RBFOX1: variants seen among roughly 807,000 people sequenced by gnomAD.
The protein encoded by RBFOX1 is RNA binding fox-1 homolog 1, also known as RNA binding protein fox-1 homolog 1.
Under a neutral mutation model 57.7 loss-of-function variants are expected in RBFOX1, and 8 were observed. The ratio of observed to expected loss-of-function variants is 0.14; its 90% CI spans 0.08 to 0.25. The LOEUF (loss-of-function observed/expected upper bound fraction) is 0.25. RBFOX1 is among the 10% of genes least tolerant of loss of function. The pLI, the probability that RBFOX1 is intolerant of heterozygous loss-of-function variation, is 1.00. For synonymous variants in RBFOX1, 326 were observed against 222.4 expected, an observed-to-expected ratio of 1.47 and a Z score of -4.15; for missense variants, 611 against 548.5, an observed-to-expected ratio of 1.11 and a Z score of -1.14.
In RBFOX1 at chr16:5,591,002, G is replaced by C. The variant is rs557828503; in HGVS notation, c.259-7900G>C. Among the ~76,000 whole-genome samples the C allele has an allele frequency of 4.0e-5, 6 of 151,778 alleles. No homozygotes were observed. The East Asian group carries it at 9.7e-4, about 25-fold the overall frequency. On this transcript the variant is annotated intron_variant, in intron 2 of 2. Coordinates refer to the RBFOX1 transcript ENST00000585867. ...GCGACCCCAAATTCATTTAGCATGT[G>C]ATGTGAGCTAAACATTTTTTTTTTT...
intron 4 of RBFOX1, among the ~76,000 whole-genome samples, chr16:5,961,195 T>A (rs1401545380): frequency 6.6e-6 from 1 of 152,236 alleles, no homozygotes; most frequent in Non-Finnish European, 1.5e-5. Flanking sequence ...GCATATTCTA[T>A]TCTATTTTAT....
chr16:6,901,432 C>G (rs12597669), intron 3 of RBFOX1, among the ~76,000 whole-genome samples: 8 of 151,936 alleles, frequency 5.3e-5, no homozygotes, highest in Non-Finnish European at 1.0e-4. Flanking sequence ...ACACAGAGTC[C>G]AAGAGGTCAA....
chr16:7,385,848 G>C (rs924392140), intron 4 of RBFOX1, among the ~76,000 whole-genome samples: 3 of 151,994 alleles, frequency 2.0e-5, no homozygotes, highest in African/African-American at 7.3e-5. Flanking sequence ...CCGCCTCCTG[G>C]GTTCAAGCAG....
intron 3 of RBFOX1, among the ~76,000 whole-genome samples, chr16:6,987,190 A>C (rs988033388): frequency 2.0e-5 from 3 of 152,124 alleles, no homozygotes; most frequent in Non-Finnish European, 4.4e-5. Flanking sequence ...GTGTTTTGCC[A>C]AGTCTTGATT....
chr16:6,918,799 T>C (rs1269027974), intron 3 of RBFOX1, among the ~76,000 whole-genome samples: 4 of 152,104 alleles, frequency 2.6e-5, no homozygotes, highest in Non-Finnish European at 4.4e-5. Flanking sequence ...TGCAGGAGCA[T>C]TGAGCAGAAG....
At position 5,471,079 on chromosome 16, in the gene RBFOX1, C is replaced by T. The variant is rs866262679; in HGVS notation, c.258+3825C>T. Among the ~76,000 whole-genome samples the T allele has an allele frequency of 5.3e-5, 8 of 152,134 alleles. No individual in the cohort carries two copies. The East Asian group carries it at 5.8e-4, about 11-fold the overall frequency. The stretch of plus-strand genomic sequence containing the variant: ...AAACTCCTGACCTCAGGTGATCCAC[C>T]GGCCTCGGTCTCCCAAAGTGCTGGG... On this transcript the variant is annotated intron_variant, in intron 2 of 2. Coordinates refer to the RBFOX1 transcript ENST00000585867.
At chr16:7,216,960 T>C (rs1350777264) in intron 4 of RBFOX1, among the ~76,000 whole-genome samples, 1 of 149,606 alleles carries the variant, frequency 6.7e-6, no homozygotes, top group Non-Finnish European at 1.5e-5. Flanking sequence ...CAGGGCACAT[T>C]GGTAAGGAAA....
In RBFOX1 at chr16:5,534,625, C is replaced by CT. The variant is rs547803913; in HGVS notation, c.259-64270dup. On this transcript the variant is annotated intron_variant, in intron 2 of 2. Transcript: ENST00000585867. ...AGTTTATCCCACCTTCTTCCACCTG[C>CT]TTTTTTTAGCATGCTGGCATCCGAT... Among the ~76,000 whole-genome samples, 184 of 152,240 alleles carry CT rather than the reference C, an allele frequency of 1.2e-3. 1 individual carries two copies. The Middle Eastern group carries it at 0.017, about 14-fold the overall frequency.
intron 8 of RBFOX1, 103 bp downstream of exon 8, chr16:7,595,744 T>G: frequency 3.1e-6 from 2 of 638,252 alleles, no homozygotes; most frequent in Non-Finnish European, 4.7e-6. Flanking sequence ...TGTGACCCTA[T>G]TCCCCCTCAT....
At chr16:6,480,050 G>GA (rs78928257) in intron 2 of RBFOX1, among the ~76,000 whole-genome samples, 60,465 of 119,444 alleles carry the variant, frequency 0.51, 15,225 homozygotes, top group East Asian at 0.72. Flanking sequence ...ACTCCACCTC[G>GA]AAAAAAAAAA....
Position 5,374,712 on chromosome 16 carries a change from G to GT in RBFOX1, c.220-92503dup, listed in dbSNP as rs1475160200. Reference sequence around the variant, plus strand: ...TTTAGAAGATGTGATTTATCTCTATGTGTTTTTTTTTTTTTGAAGAATTGA... The same window carrying GT: ...TTTAGAAGATGTGATTTATCTCTATGTTGTTTTTTTTTTTTTGAAGAATTGA... On this transcript the variant is annotated intron_variant, in intron 1 of 2. Coordinates refer to the RBFOX1 transcript ENST00000585867. Among the ~76,000 whole-genome samples, 428 of 137,564 alleles carry GT rather than the reference G, an allele frequency of 3.1e-3. 3 individuals carry two copies. The highest frequency in any genetic ancestry group is 0.012 in the African/African-American group (413 of 35,418). The allele number at this position is 137,564 out of a possible 152,430, so 90.2% of individuals were successfully genotyped here.
chr16:6,915,195 C>G (rs950982255), intron 3 of RBFOX1, among the ~76,000 whole-genome samples: 1 of 152,134 alleles, frequency 6.6e-6, no homozygotes, highest in Non-Finnish European at 1.5e-5. Context: ...CCCAGGCTCC[C>G]GGAGACCCAC....
intron 2 of RBFOX1, among the ~76,000 whole-genome samples, chr16:5,491,262 G>A (rs1567157040): frequency 6.6e-6 from 1 of 152,108 alleles, no homozygotes; most frequent in Non-Finnish European, 1.5e-5. Context: ...TTGAAGAACT[G>A]GAATATTACC....
intron 2 of RBFOX1, among the ~76,000 whole-genome samples, chr16:6,560,129 T>A (rs1181409511): frequency 6.6e-6 from 1 of 150,406 alleles, no homozygotes; most frequent in African/African-American, 2.4e-5. Flanking sequence ...GTAATCACTC[T>A]GTTATTCTGC....
chr16:7,401,307 G>C (rs547847108), intron 4 of RBFOX1, among the ~76,000 whole-genome samples: 3 of 152,258 alleles, frequency 2.0e-5, no homozygotes, highest in East Asian at 1.9e-4. Context: ...ATTTTAAATA[G>C]CATCTGAATT....
chr16:6,850,496 T>C (rs942830773), intron 3 of RBFOX1, among the ~76,000 whole-genome samples: 1 of 151,928 alleles, frequency 6.6e-6, no homozygotes, highest in Non-Finnish European at 1.5e-5. Context: ...TAAGGTACAA[T>C]AAGAGAAGAG....
At chr16:6,642,206 C>G (rs1288026810) in intron 2 of RBFOX1, among the ~76,000 whole-genome samples, 3 of 152,262 alleles carry the variant, frequency 2.0e-5, no homozygotes, top group East Asian at 1.9e-4. Flanking sequence ...CTGTATTTTT[C>G]AGCACACAAA....
At chr16:6,807,895 ATTGTGT>A (rs1567336139) in intron 3 of RBFOX1, among the ~76,000 whole-genome samples, 1 of 102,498 alleles carries the variant, frequency 9.8e-6, no homozygotes, top group Non-Finnish European at 2.2e-5. Context: ...AATATATATT[ATTGTGT>A]GTGTGTGTGT....
intron 4 of RBFOX1, among the ~76,000 whole-genome samples, chr16:7,105,034 G>A (rs974700286): frequency 6.6e-6 from 1 of 152,016 alleles, no homozygotes; most frequent in Admixed American, 6.6e-5. Flanking sequence ...GCCCTTCTTG[G>A]CACCTACAGA....
Sources: gnomAD v4.1 joint callset for allele counts (sites outside exome capture counted in the v4.1 genomes callset) on GRCh38, gnomAD v4.1.1 for gene constraint, MANE v1.5 for transcripts, NCBI Gene and HGNC (gene_info 2026-07-23, HGNC 2026-07-21) for gene names.